DGKB: variants seen among roughly 807,000 people sequenced by gnomAD.
DGKB encodes diacylglycerol kinase beta.
A neutral mutation model predicts 114.3 loss-of-function variants in DGKB; 67 were observed. The ratio of observed to expected loss-of-function variants is 0.59; its 90% confidence interval spans 0.48 to 0.72. The LOEUF (loss-of-function observed/expected upper bound fraction) is 0.72, where lower values mean the gene tolerates loss of function less well. Among genes scored for constraint, DGKB ranks in the 30% least tolerant of loss-of-function variants. The probability of loss-of-function intolerance (pLI) is 0.00; values close to 1 mark genes in which losing one functional copy is unlikely to be tolerated. For missense variants in DGKB, 907 were observed against 975.2 expected (o/e 0.93, Z 0.93); for synonymous variants, 398 against 323.1 (o/e 1.23, Z -2.49).
At position 14,229,819 on chromosome 7, in the gene DGKB, C is replaced by T. The variant is rs1049738339; in HGVS notation, c.2123-51668G>A. Among the ~76,000 whole-genome samples the T allele has an allele frequency of 5.9e-5, 9 of 151,592 alleles. No homozygotes were observed. In the East Asian group the frequency reaches 7.7e-4, roughly 13 times the overall value. On this transcript the variant is annotated intron_variant, in intron 23 of 25. Transcript: ENST00000402815. ...TAACAGGATAAATTATGATATATTCCGTCCATGCCAAGATAACCAAATAGT... is the reference window on the plus strand; with the variant it reads ...TAACAGGATAAATTATGATATATTCTGTCCATGCCAAGATAACCAAATAGT...
chr7:14,960,707 A>G (rs1005679523), intron 1 of DGKB, among the ~76,000 whole-genome samples: 2 of 152,062 alleles, frequency 1.3e-5, no homozygotes, highest in Non-Finnish European at 2.9e-5. Context: ...TTTGCTACCA[A>G]CTAAGGTCAA....
rs780257000 is a variant in DGKB at position 14,621,447 on chromosome 7, T to G, written c.1215A>C (p.Pro405=). The G allele has an allele frequency of 1.2e-6, 2 of 1,611,216 alleles. No homozygotes were observed. Among genetic ancestry groups the G allele is most frequent in the South Asian group, 1.1e-5 (1 of 90,564 alleles). ...TTTTATTCTTGTCAATCACTTTGTT[T>G]GGCTGCTGGGAACCACTCTTTTCCT... The part of the protein sequence containing the change: ...VKKEKSGSQQ[P]NKVIDKNKMQ... The change falls in exon 15 of 26, where the codon CCA becomes CCC. Residue 405 remains proline (P), a synonymous_variant. Coordinates refer to ENST00000402815, the MANE Select transcript of DGKB (RefSeq NM_001350709.2).
intron 1 of DGKB, among the ~76,000 whole-genome samples, chr7:14,879,347 G>C (rs1177077217): frequency 6.7e-6 from 1 of 149,522 alleles, no homozygotes; most frequent in African/African-American, 2.6e-5. Flanking sequence ...AATGAATGCG[G>C]TCAGGATCAG....
intron 23 of DGKB, among the ~76,000 whole-genome samples, chr7:14,288,041 A>C (rs1403217149): frequency 1.3e-5 from 2 of 152,060 alleles, no homozygotes; most frequent in Non-Finnish European, 2.9e-5. Flanking sequence ...TTTCTCTGCA[A>C]ATAGCTTCTT....
chr7:14,774,770 C>T (rs1391514213), intron 2 of DGKB, among the ~76,000 whole-genome samples: 1 of 152,066 alleles, frequency 6.6e-6, no homozygotes, highest in Non-Finnish European at 1.5e-5. Context: ...TTTTAAAAAA[C>T]AATGTGTTAT....
intron 13 of DGKB, among the ~76,000 whole-genome samples, chr7:14,672,056 G>T (rs934054666): frequency 2.6e-5 from 4 of 151,722 alleles, no homozygotes; most frequent in African/African-American, 9.7e-5. Context: ...TGAAATAAAG[G>T]CATTTAAAAT....
intron 2 of DGKB, among the ~76,000 whole-genome samples, chr7:14,789,597 C>T (rs1840379698): frequency 6.6e-6 from 1 of 152,032 alleles, no homozygotes; most frequent in Admixed American, 6.6e-5. Context: ...CAGTCTCATC[C>T]TGTCTCATTA....
rs758504203 is a variant in DGKB at position 14,583,099 on chromosome 7, AAC to A, written c.1470_1471del (p.Leu491SerfsTer36). The A allele has an allele frequency of 6.2e-7, 1 of 1,613,422 alleles. No homozygotes were observed. The highest frequency in any genetic ancestry group is 2.2e-5 in the East Asian group (1 of 44,844). ...CACGGTTCCATCTCCACCACAGGCT[AAC>A]ACTCTGAAGTCAGGAACATCACGGA... On this transcript the variant is annotated frameshift_variant, in exon 18 of 26. Transcript: ENST00000402815. LOFTEE classifies it high-confidence loss of function.
chr7:14,654,027 C>G (rs1352005003), intron 13 of DGKB, among the ~76,000 whole-genome samples: 1 of 151,926 alleles, frequency 6.6e-6, no homozygotes, highest in Non-Finnish European at 1.5e-5. Context: ...ACTAGCAGAC[C>G]TAGGCAGAGC....
intron 23 of DGKB, among the ~76,000 whole-genome samples, chr7:14,213,051 T>C (rs893746315): frequency 4.5e-4 from 69 of 152,226 alleles, no homozygotes; most frequent in African/African-American, 1.5e-3. Context: ...TGTCTATTCT[T>C]ATACTCATAT....
At chr7:14,272,848 T>C (rs751631718) in intron 23 of DGKB, among the ~76,000 whole-genome samples, 2 of 152,204 alleles carry the variant, frequency 1.3e-5, no homozygotes, top group Non-Finnish European at 2.9e-5. Flanking sequence ...TTGCAAATTC[T>C]TTCTGAATAA....
Position 14,338,683 on chromosome 7 carries a change from T to C in DGKB, c.1954A>G (p.Asn652Asp), listed in dbSNP as rs1811108603. The change falls in exon 23 of 26, where the codon AAC (asparagine) becomes GAC (aspartate). Residue 652 changes from asparagine to aspartate, a missense_variant. Transcript: ENST00000402815. ...ECDGVQIDLI[N>D]ISLEGIAILN... is the part of the protein sequence containing the mutation. ...ATAGCAATTCCTTCCAGAGAGATGT[T>C]TATTAAATCTATCTGTACTCCATCA... The C allele has an allele frequency of 1.3e-6, 2 of 1,586,830 alleles. No homozygotes were observed. Among genetic ancestry groups the C allele is most frequent in the Non-Finnish European group, 8.6e-7 (1 of 1,166,368 alleles).
intron 13 of DGKB, among the ~76,000 whole-genome samples, chr7:14,650,967 T>G (rs1390459826): frequency 6.6e-6 from 1 of 152,250 alleles, no homozygotes; most frequent in Non-Finnish European, 1.5e-5. Flanking sequence ...AATCTCTTAA[T>G]AGACCAATAA....
chr7:14,355,434 T>C (rs6943085), intron 21 of DGKB, among the ~76,000 whole-genome samples: 2,736 of 152,310 alleles, frequency 0.018, 96 homozygotes, highest in African/African-American at 0.063. Context: ...TTGCTCCTAC[T>C]ATTTTGAGAT....
At chr7:14,781,855 C>T (rs1839147654) in intron 2 of DGKB, among the ~76,000 whole-genome samples, 1 of 152,078 alleles carries the variant, frequency 6.6e-6, no homozygotes. Flanking sequence ...TTGTGTAAGG[C>T]CATAACCAGC....
chr7:14,654,660 G>A (rs1459159127), intron 13 of DGKB, among the ~76,000 whole-genome samples: 1 of 151,922 alleles, frequency 6.6e-6, no homozygotes, highest in Non-Finnish European at 1.5e-5. Flanking sequence ...AAACAGCATA[G>A]CATTGCTATA....
chr7:14,836,282 G>A (rs1004383007), intron 2 of DGKB, among the ~76,000 whole-genome samples: 8 of 152,142 alleles, frequency 5.3e-5, no homozygotes, highest in Non-Finnish European at 4.4e-5. Flanking sequence ...CTGTAATTTT[G>A]CAACTCCTCA....
At chr7:14,201,318 T>G (rs1447188806) in intron 23 of DGKB, among the ~76,000 whole-genome samples, 1 of 151,970 alleles carries the variant, frequency 6.6e-6, no homozygotes, top group Admixed American at 6.6e-5. Context: ...ACCTAGGGGT[T>G]AGAATTTCAA....
chr7:14,968,219 T>G (rs991030968), intron 1 of DGKB, among the ~76,000 whole-genome samples: 4 of 152,106 alleles, frequency 2.6e-5, no homozygotes, highest in Admixed American at 1.3e-4. Context: ...AAAGCTAGCT[T>G]TTAGGTGATA....
Sources: gnomAD v4.1 joint callset for allele counts (sites outside exome capture counted in the v4.1 genomes callset) on GRCh38, gnomAD v4.1.1 for gene constraint, MANE v1.5 for transcripts, NCBI Gene and HGNC (gene_info 2026-07-23, HGNC 2026-07-21) for gene names.